The following NANOS3 variants were observed in gnomAD, a reference collection of about 807,000 sequenced individuals.
The protein encoded by NANOS3 is nanos C2HC-type zinc finger 3.
Under a neutral mutation model 13.8 loss-of-function variants are expected in NANOS3, and 11 were observed. The observed-to-expected ratio is 0.80, with a 90% CI of 0.50 to 1.32. NANOS3 has a LOEUF of 1.32. Ranked by LOEUF, NANOS3 falls within the 40% of genes most tolerant of loss-of-function variation. NANOS3 has a pLI of 0.00. For synonymous variants in NANOS3, 119 were observed against 115.4 expected (o/e 1.03, Z -0.20); for missense variants, 221 against 263.8 (o/e 0.84, Z 1.12).
chr19:13,862,665 A>T (rs1976175908), upstream of NANOS3, among the ~76,000 whole-genome samples: 1 of 151,734 alleles, frequency 6.6e-6, no homozygotes, highest in Non-Finnish European at 1.5e-5. Context: ...TAGCTTCCTG[A>T]GTAGCTGGGA....
At chr19:13,878,218 C>T (rs151089814) in intron 1 of NANOS3, among the ~76,000 whole-genome samples, 1 of 150,672 alleles carries the variant, frequency 6.6e-6, no homozygotes, top group Admixed American at 6.6e-5. Flanking sequence ...GTGAGCACCG[C>T]ACCGAGCCAG....
At chr19:13,870,435 C>T (rs140455858) in intron 1 of NANOS3, among the ~76,000 whole-genome samples, 1 of 151,976 alleles carries the variant, frequency 6.6e-6, no homozygotes, top group Non-Finnish European at 1.5e-5. Flanking sequence ...CCATCCATCA[C>T]TTGCTCACCT....
chr19:13,866,782 G>A (rs1389197365), intron 1 of NANOS3, among the ~76,000 whole-genome samples: 1 of 151,898 alleles, frequency 6.6e-6, no homozygotes, highest in Admixed American at 6.6e-5. Context: ...CGACTCCATC[G>A]TTCACAATAC....
At chr19:13,869,333 G>A (rs1599299131) in intron 1 of NANOS3, among the ~76,000 whole-genome samples, 1 of 151,972 alleles carries the variant, frequency 6.6e-6, no homozygotes, top group African/African-American at 2.4e-5. Context: ...CTTCAGCTTG[G>A]CCCCTCCATA....
chr19:13,874,079 T>C (rs1017585425), upstream of NANOS3, among the ~76,000 whole-genome samples: 1 of 152,118 alleles, frequency 6.6e-6, no homozygotes, highest in Non-Finnish European at 1.5e-5. Flanking sequence ...AGATGCTGTG[T>C]GACCGCGCAC....
At chr19:13,875,829 A>G (rs1968498619), upstream of NANOS3, among the ~76,000 whole-genome samples, 1 of 152,140 alleles carries the variant, frequency 6.6e-6, no homozygotes, top group Non-Finnish European at 1.5e-5. Context: ...GTGCCTGGCC[A>G]ATAAAAGTTT....
At chr19:13,865,823 C>T (rs1173352919) in intron 1 of NANOS3, among the ~76,000 whole-genome samples, 1 of 140,744 alleles carries the variant, frequency 7.1e-6, no homozygotes, top group Non-Finnish European at 1.5e-5. Context: ...GACACCTGAC[C>T]GCGCGCGGGG....
chr19:13,862,650 T>C (rs1356803712), upstream of NANOS3, among the ~76,000 whole-genome samples: 1 of 152,118 alleles, frequency 6.6e-6, no homozygotes, highest in African/African-American at 2.4e-5. Context: ...GTGATTCTCA[T>C]GCTTTAGCTT....
upstream of NANOS3, among the ~76,000 whole-genome samples, chr19:13,875,697 C>T (rs916407618): frequency 3.9e-5 from 6 of 152,196 alleles, no homozygotes; most frequent in Admixed American, 6.5e-5. Flanking sequence ...GGGCACGCAC[C>T]ACCACACCTA....
intron 1 of NANOS3, among the ~76,000 whole-genome samples, 168 bp from the exon 2 acceptor site, chr19:13,880,274 A>G (rs908702834): frequency 6.6e-6 from 1 of 152,224 alleles, no homozygotes. Flanking sequence ...TCTGGGTCCC[A>G]GCGGGGCCGC....
At chr19:13,877,799 G>C (rs1411575483) in intron 1 of NANOS3, 34 bp downstream of exon 1, 2 of 1,521,996 alleles carry the variant, frequency 1.3e-6, no homozygotes, top group African/African-American at 1.4e-5. Flanking sequence ...GGACCTGTCC[G>C]AGGGTAGTGG....
chr19:13,879,572 C>T (rs1030352909), intron 1 of NANOS3, among the ~76,000 whole-genome samples: 5 of 152,044 alleles, frequency 3.3e-5, no homozygotes, highest in Non-Finnish European at 7.4e-5. Context: ...CCAGTGTCTA[C>T]AAAAAATTAG....
intron 1 of NANOS3, among the ~76,000 whole-genome samples, chr19:13,878,603 C>CTT (rs57017103): frequency 1.4e-5 from 2 of 145,226 alleles, no homozygotes; most frequent in African/African-American, 5.1e-5. Flanking sequence ...ATTTTTCTTC[C>CTT]TTTTTTTTTT....
chr19:13,874,842 G>T (rs1242911450), upstream of NANOS3: 1 of 526,406 alleles, frequency 1.9e-6, no homozygotes, highest in Non-Finnish European at 4.0e-6. Flanking sequence ...AGATCTAGGG[G>T]GGCCTGGGGA....
chr19:13,869,876 C>T (rs1370585254), intron 1 of NANOS3, among the ~76,000 whole-genome samples: 4 of 152,046 alleles, frequency 2.6e-5, no homozygotes, highest in Non-Finnish European at 2.9e-5. Context: ...GAGACACCCC[C>T]AACCCCCATG....
Position 13,880,621 on chromosome 19 carries a change from G to GGAT in NANOS3, c.*121_*123dup, listed in dbSNP as rs1555722372. The GGAT allele has an allele frequency of 8.2e-6, 7 of 858,560 alleles. No homozygotes were observed. Among genetic ancestry groups the GGAT allele is most frequent in the Non-Finnish European group, 3.8e-6 (2 of 526,968 alleles). 53.2% of individuals were successfully genotyped at this position (858,560 alleles called of 1,614,324 possible). A position where few individuals can be genotyped will look rare whatever the true frequency, so the allele number is the denominator to read the frequency against. On this transcript the variant is annotated 3_prime_UTR_variant, in exon 2 of 2. Transcript: ENST00000339133. ...CCCCCAGCCTGGGATTGAGCCCTGG[G>GGAT]GATGACCCGGGGTTGGCAAGGGAAG...
intron 1 of NANOS3, among the ~76,000 whole-genome samples, chr19:13,870,361 A>G (rs1400852657): frequency 6.6e-6 from 1 of 151,980 alleles, no homozygotes; most frequent in East Asian, 1.9e-4. Context: ...GATGACGGGC[A>G]TGAGCCACCC....
upstream of NANOS3, among the ~76,000 whole-genome samples, chr19:13,876,136 GC>G (rs1489447422): frequency 6.6e-6 from 1 of 152,104 alleles, no homozygotes; most frequent in African/African-American, 2.4e-5. Flanking sequence ...CAGATGTGGT[GC>G]TTTTTGTTGT....
intron 1 of NANOS3, among the ~76,000 whole-genome samples, chr19:13,879,188 C>T (rs893960180): frequency 6.6e-6 from 1 of 152,106 alleles, no homozygotes; most frequent in Admixed American, 6.5e-5. Context: ...ATCCACCCGC[C>T]TTAGCCTCCC....
Sources: allele counts gnomAD v4.1 joint callset (sites outside exome capture counted in the v4.1 genomes callset), GRCh38; gene constraint gnomAD v4.1.1; transcripts MANE v1.5; gene names NCBI Gene and HGNC (gene_info 2026-07-23, HGNC 2026-07-21).